ZNF827: variants seen among roughly 807,000 people sequenced by gnomAD.
ZNF827 encodes the protein zinc finger protein 827.
ZNF827 carries 13 observed loss-of-function variants against 102.4 expected under a neutral mutation model. The ratio of observed to expected loss-of-function variants is 0.13; its 90% CI spans 0.08 to 0.20. The LOEUF is 0.20. Ranked by LOEUF, ZNF827 falls within the 10% of genes least tolerant of loss-of-function variation. The probability of loss-of-function intolerance (pLI) is 1.00; values close to 1 mark genes in which losing one functional copy is unlikely to be tolerated. For synonymous variants in ZNF827, 523 were observed against 536.2 expected (o/e 0.98, Z 0.34); for missense variants, 1,103 against 1,344.4 (o/e 0.82, Z 2.81).
intron 1 of ZNF827, among the ~76,000 whole-genome samples, chr4:145,906,322 T>C (rs1488162822): frequency 6.6e-6 from 1 of 152,232 alleles, no homozygotes; most frequent in East Asian, 1.9e-4. Context: ...GGGATTCTCT[T>C]AGATAAGGAC....
At chr4:145,780,150 C>T (rs111920227) in intron 8 of ZNF827, among the ~76,000 whole-genome samples, 3 of 152,108 alleles carry the variant, frequency 2.0e-5, no homozygotes, top group African/African-American at 7.2e-5. Context: ...GAGATCACGC[C>T]ACTGCACTCC....
At chr4:145,806,255 C>A (rs983705181) in intron 8 of ZNF827, among the ~76,000 whole-genome samples, 2 of 150,260 alleles carry the variant, frequency 1.3e-5, no homozygotes, top group African/African-American at 4.9e-5. Flanking sequence ...GGGCTCAAAC[C>A]ATCCTCCCAT....
Position 145,779,354 on chromosome 4 carries a change from C to T in ZNF827, c.2521+20G>A, listed in dbSNP as rs772992247. On this transcript the variant is annotated intron_variant, in intron 9 of 14. Transcript: ENST00000508784. ...GTGATGGAGCATAGAGGGCTGACAGCCCAGGCCCTACTCACTCACCTGTGT... is the reference window on the plus strand; with the variant it reads ...GTGATGGAGCATAGAGGGCTGACAGTCCAGGCCCTACTCACTCACCTGTGT... 4.3e-6 allele frequency: 7 copies of T among 1,612,380 alleles called. No homozygotes were observed. Among genetic ancestry groups the T allele is most frequent in the African/African-American group, 1.3e-5 (1 of 74,872 alleles).
At chr4:145,879,382 G>GAAA (rs1749481617) in intron 4 of ZNF827, among the ~76,000 whole-genome samples, 1 of 152,272 alleles carries the variant, frequency 6.6e-6, no homozygotes, top group Admixed American at 6.5e-5. Context: ...AATAGTAGAA[G>GAAA]CAACAACAAT....
intron 7 of ZNF827, among the ~76,000 whole-genome samples, chr4:145,836,396 T>C (rs986847750): frequency 4.6e-5 from 7 of 152,164 alleles, no homozygotes; most frequent in South Asian, 4.2e-4. Flanking sequence ...CTGCGTGCAG[T>C]GGCTGCTGCT....
At chr4:145,793,679 T>C (rs1399117473) in intron 8 of ZNF827, among the ~76,000 whole-genome samples, 1 of 152,094 alleles carries the variant, frequency 6.6e-6, no homozygotes, top group Non-Finnish European at 1.5e-5. Context: ...ATCAATACTT[T>C]GCATCCTTCA....
chr4:145,824,561 G>A (rs1426242552), intron 7 of ZNF827, among the ~76,000 whole-genome samples: 2 of 152,174 alleles, frequency 1.3e-5, no homozygotes, highest in Non-Finnish European at 2.9e-5. Flanking sequence ...GGTCATGGGA[G>A]CCGAAGCACC....
rs1579050834 is a variant in ZNF827 at position 145,758,507 on chromosome 4, A to T, written c.*3109T>A. 6.6e-6 allele frequency: 1 copy of T among 152,336 alleles called. No individual in the cohort carries two copies. The highest frequency in any genetic ancestry group is 3.4e-3 in the Middle Eastern group (1 of 294). The allele number at this position is 152,336 out of a possible 1,614,324, so 9.4% of individuals were successfully genotyped here. A position where few individuals can be genotyped will look rare whatever the true frequency, so the allele number is the denominator to read the frequency against. On this transcript the variant is annotated 3_prime_UTR_variant, in exon 15 of 15. Transcript: ENST00000508784. Reference sequence around the variant, plus strand: ...TTAGCCCTCTTTCCTGTCATCACTGAACTTGTAGTTTTGAAAACACATTAT... The same window carrying T: ...TTAGCCCTCTTTCCTGTCATCACTGTACTTGTAGTTTTGAAAACACATTAT...
chr4:145,904,319 C>T (rs1213638751), intron 1 of ZNF827, among the ~76,000 whole-genome samples: 1 of 152,156 alleles, frequency 6.6e-6, no homozygotes, highest in Non-Finnish European at 1.5e-5. Flanking sequence ...GCTTACATTC[C>T]AGTGGGGGAA....
chr4:145,930,588 A>G (rs191829037), intron 1 of ZNF827, among the ~76,000 whole-genome samples: 18 of 152,368 alleles, frequency 1.2e-4, no homozygotes, highest in Admixed American at 5.9e-4. Context: ...AGCAAAGTGT[A>G]TCTAAACCCT....
chr4:145,870,525 C>T (rs1748592343), intron 4 of ZNF827, 47 bp from the exon 5 acceptor site: 2 of 1,515,516 alleles, frequency 1.3e-6, no homozygotes, highest in African/African-American at 1.4e-5. Flanking sequence ...AGGCCACTCC[C>T]CTCCTTAGCT....
chr4:145,937,671 G>A (rs1302757762), intron 1 of ZNF827, among the ~76,000 whole-genome samples: 2 of 131,490 alleles, frequency 1.5e-5, no homozygotes, highest in Non-Finnish European at 3.3e-5. Flanking sequence ...CTCCCCAGCC[G>A]CTCCCGCCTC....
chr4:145,768,858 CAAAAA>C (rs1174930111), intron 11 of ZNF827, among the ~76,000 whole-genome samples: 9 of 4,516 alleles, frequency 2.0e-3, no homozygotes, highest in African/African-American at 5.0e-3. Context: ...GACTCCGTCT[CAAAAA>C]AAAAAAAAAA....
intron 5 of ZNF827, among the ~76,000 whole-genome samples, chr4:145,851,294 ATAGACAGACAGACAGG>A (rs1746506649): frequency 1.3e-5 from 2 of 150,816 alleles, no homozygotes; most frequent in African/African-American, 4.9e-5. Context: ...AGATAGATAG[ATAGACAGACAGACAGG>A]CAGACAGACA....
At chr4:145,886,730 C>T (rs79227397) in intron 3 of ZNF827, among the ~76,000 whole-genome samples, 7 of 136,992 alleles carry the variant, frequency 5.1e-5, no homozygotes, top group African/African-American at 8.0e-5. Flanking sequence ...AAATTACATA[C>T]AAAAAAAAAA....
intron 2 of ZNF827, among the ~76,000 whole-genome samples, chr4:145,899,370 A>G (rs1231484537): frequency 6.6e-6 from 1 of 152,134 alleles, no homozygotes; most frequent in Non-Finnish European, 1.5e-5. Context: ...GAGATGATCC[A>G]CCTTTCCTTC....
chr4:145,848,952 T>TATG (rs1746250933), intron 6 of ZNF827, among the ~76,000 whole-genome samples: 8 of 152,194 alleles, frequency 5.3e-5, no homozygotes, highest in African/African-American at 1.7e-4. Context: ...AGTAATTCAG[T>TATG]CACTGTTGGA....
chr4:145,760,886 G>T lies in ZNF827; in HGVS notation c.*730C>A. Reference sequence around the variant, plus strand: ...TGAGGTCGGGGAGGGTGGAATGTGAGATCCAAGTGGTTCTTGGGGTATAAC... The same window carrying T: ...TGAGGTCGGGGAGGGTGGAATGTGATATCCAAGTGGTTCTTGGGGTATAAC... On this transcript the variant is annotated 3_prime_UTR_variant, in exon 15 of 15. Coordinates refer to ENST00000508784, the MANE Select transcript of ZNF827 (RefSeq NM_001306215.2). 1 of 1,228,930 alleles carries T rather than the reference G, an allele frequency of 8.1e-7. No homozygotes were observed. The highest frequency in any genetic ancestry group is 1.0e-6 in the Non-Finnish European group (1 of 960,602). 76.1% of individuals were successfully genotyped at this position (1,228,930 alleles called of 1,614,324 possible). A position where few individuals can be genotyped will look rare whatever the true frequency, so the allele number is the denominator to read the frequency against.
intron 4 of ZNF827, among the ~76,000 whole-genome samples, chr4:145,882,614 A>G (rs1355557049): frequency 6.6e-6 from 1 of 152,220 alleles, no homozygotes; most frequent in African/African-American, 2.4e-5. Flanking sequence ...GCTTAGTTTT[A>G]GTTGAAGGAG....
Sources: gnomAD v4.1 joint callset for allele counts (sites outside exome capture counted in the v4.1 genomes callset) on GRCh38, gnomAD v4.1.1 for gene constraint, MANE v1.5 for transcripts, NCBI Gene and HGNC (gene_info 2026-07-23, HGNC 2026-07-21) for gene names.